SNTB2: variants seen among roughly 807,000 people sequenced by gnomAD.
The protein encoded by SNTB2 is syntrophin beta 2, also known as beta-2-syntrophin.
A neutral mutation model predicts 46.2 loss-of-function variants in SNTB2; 34 were observed. The ratio of observed to expected loss-of-function variants is 0.74; its 90% confidence interval spans 0.56 to 0.98. The LOEUF (loss-of-function observed/expected upper bound fraction) is 0.98. Among genes scored for constraint, SNTB2 ranks in the 50% least tolerant of loss-of-function variants. The probability of loss-of-function intolerance (pLI) is 0.00; values close to 1 mark genes in which losing one functional copy is unlikely to be tolerated. For missense variants in SNTB2, 603 were observed against 731.4 expected, an observed-to-expected ratio of 0.82 and a Z score of 2.02; for synonymous variants, 290 against 312.6, an observed-to-expected ratio of 0.93 and a Z score of 0.76.
chr16:69,213,854 A>C (rs1277668704), intron 1 of SNTB2, among the ~76,000 whole-genome samples: 3 of 102,648 alleles, frequency 2.9e-5, no homozygotes, highest in African/African-American at 4.0e-5. Context: ...TGAGACTCTC[A>C]CTCTGTTGCC....
At chr16:69,284,698 C>T (rs930603050) in intron 5 of SNTB2, among the ~76,000 whole-genome samples, 11 of 152,114 alleles carry the variant, frequency 7.2e-5, no homozygotes, top group East Asian at 5.8e-4. Context: ...TGCTTGAACT[C>T]GGGAGGCGGA....
At chr16:69,224,863 G>C (rs1964444559) in intron 1 of SNTB2, among the ~76,000 whole-genome samples, 1 of 152,028 alleles carries the variant, frequency 6.6e-6, no homozygotes, top group African/African-American at 2.4e-5. Context: ...TTTTCATTAA[G>C]AAAATTAATA....
intron 3 of SNTB2, 32 bp downstream of exon 3, chr16:69,260,292 G>T (rs1964823099): frequency 6.2e-7 from 1 of 1,601,010 alleles, no homozygotes; most frequent in African/African-American, 1.3e-5. Flanking sequence ...AGTATCACCT[G>T]GTTCCCATTC....
intron 2 of SNTB2, among the ~76,000 whole-genome samples, chr16:69,259,515 G>A (rs573428800): frequency 6.1e-4 from 91 of 149,670 alleles, no homozygotes; most frequent in Non-Finnish European, 9.1e-4. Context: ...GATTACCGGA[G>A]TGAGCCACCG....
rs762507161 is a variant in SNTB2, at chr16:69,245,720, G to A, written c.699G>A (p.Ser233=). The change falls in exon 2 of 7, where the codon TCG becomes TCA. Residue 233 remains serine (S), a synonymous_variant. Transcript: ENST00000336278. ...TTAGTGGCAGTGAGGACTCTGGTTC[G>A]CCAAAACACCAGAACAGCACCAAGG... The part of the protein sequence containing the change: ...PSFSGSEDSG[S]PKHQNSTKDR... The A allele has an allele frequency of 1.9e-5, 31 of 1,614,016 alleles. No homozygotes were observed. In the South Asian group the frequency reaches 2.4e-4, roughly 13 times the overall value.
intron 1 of SNTB2, among the ~76,000 whole-genome samples, chr16:69,200,000 C>A (rs1964145693): frequency 6.6e-6 from 1 of 152,066 alleles, no homozygotes; most frequent in South Asian, 2.1e-4. Flanking sequence ...CCGCAACCTC[C>A]ATCTCCCGGG....
chr16:69,197,257 T>C (rs764477822), intron 1 of SNTB2, among the ~76,000 whole-genome samples: 10 of 152,028 alleles, frequency 6.6e-5, no homozygotes, highest in African/African-American at 9.7e-5. Flanking sequence ...AGTGAGCAAG[T>C]AGTAGGAATG....
rs922086942 is a variant in SNTB2 at position 69,302,268 on chromosome 16, G to A, written c.*1344G>A. The A allele has an allele frequency of 6.6e-6, 1 of 152,100 alleles. No homozygotes were observed. Among genetic ancestry groups the A allele is most frequent in the African/African-American group, 2.4e-5 (1 of 41,410 alleles). 9.4% of individuals were successfully genotyped at this position (152,100 alleles called of 1,614,324 possible). A position where few individuals can be genotyped will look rare whatever the true frequency, so the allele number is the denominator to read the frequency against. Reference sequence around the variant, plus strand: ...TAGTGTTAGAAAATGAACTCAGCTTGTTTTTCCTAATTTTGAAGGTGGTAT... The same window carrying A: ...TAGTGTTAGAAAATGAACTCAGCTTATTTTTCCTAATTTTGAAGGTGGTAT... On this transcript the variant is annotated 3_prime_UTR_variant, in exon 7 of 7. Transcript: ENST00000336278.
chr16:69,263,555 A>G (rs183015013), intron 3 of SNTB2, among the ~76,000 whole-genome samples: 64 of 151,716 alleles, frequency 4.2e-4, no homozygotes, highest in African/African-American at 1.5e-3. Context: ...AGTAGCTGGG[A>G]TTACAGGTGT....
Position 69,302,093 on chromosome 16 carries a change from G to A in SNTB2, c.*1169G>A, listed in dbSNP as rs1965280970. On this transcript the variant is annotated 3_prime_UTR_variant, in exon 7 of 7. Coordinates refer to ENST00000336278, the MANE Select transcript of SNTB2 (RefSeq NM_006750.4). ...TGGCCCTTTGTGGCAGCAGTGGCAT[G>A]GACAAGCAACTGCTAATTCGAGACT... The A allele has an allele frequency of 6.6e-6, 1 of 152,142 alleles. No individual in the cohort carries two copies. Among genetic ancestry groups the A allele is most frequent in the Non-Finnish European group, 1.5e-5 (1 of 68,040 alleles). 9.4% of individuals were successfully genotyped at this position (152,142 alleles called of 1,614,324 possible).
chr16:69,215,091 C>T (rs949338523), intron 1 of SNTB2, among the ~76,000 whole-genome samples: 12 of 152,136 alleles, frequency 7.9e-5, no homozygotes, highest in African/African-American at 1.4e-4. Context: ...GATCCACTCA[C>T]CTCAGACGAT....
At chr16:69,192,206 C>G (rs1964061810) in intron 1 of SNTB2, among the ~76,000 whole-genome samples, 1 of 152,152 alleles carries the variant, frequency 6.6e-6, no homozygotes, top group Non-Finnish European at 1.5e-5. Flanking sequence ...AGGTGATCAC[C>G]TTTGGAGCCG....
intron 4 of SNTB2, among the ~76,000 whole-genome samples, chr16:69,281,160 A>T (rs1360861690): frequency 6.6e-6 from 1 of 150,726 alleles, no homozygotes; most frequent in Admixed American, 6.6e-5. Context: ...CAACTTACCA[A>T]TTTTTTTCTT....
intron 1 of SNTB2, among the ~76,000 whole-genome samples, chr16:69,215,676 C>T (rs1964339840): frequency 6.6e-6 from 1 of 152,076 alleles, no homozygotes; most frequent in African/African-American, 2.4e-5. Flanking sequence ...GTGACAGGTT[C>T]ATATATTTAA....
intron 1 of SNTB2, among the ~76,000 whole-genome samples, chr16:69,216,687 C>G (rs560481356): frequency 2.0e-5 from 3 of 151,850 alleles, no homozygotes; most frequent in South Asian, 4.2e-4. Context: ...GACCCTGCCC[C>G]CCCCCCAAAA....
chr16:69,209,774 C>T (rs2152291712), intron 1 of SNTB2, among the ~76,000 whole-genome samples: 1 of 152,226 alleles, frequency 6.6e-6, no homozygotes, highest in East Asian at 1.9e-4. Context: ...TGAGTTTAAA[C>T]TTATATCTAA....
At chr16:69,206,481 C>T (rs373921626) in intron 1 of SNTB2, among the ~76,000 whole-genome samples, 1 of 151,948 alleles carries the variant, frequency 6.6e-6, no homozygotes, top group African/African-American at 2.4e-5. Context: ...GTGGGTGGAT[C>T]GGGAGTTCGA....
chr16:69,255,522 T>A (rs1964764763), intron 2 of SNTB2, among the ~76,000 whole-genome samples: 1 of 149,656 alleles, frequency 6.7e-6, no homozygotes, highest in Non-Finnish European at 1.5e-5. Context: ...ATCACGACAC[T>A]GCACTCCAGC....
chr16:69,286,797 C>G (rs1431217409), intron 5 of SNTB2, among the ~76,000 whole-genome samples: 1 of 151,806 alleles, frequency 6.6e-6, no homozygotes, highest in Non-Finnish European at 1.5e-5. Context: ...TTGCTTGAGC[C>G]CATTTCAGGG....
Sources: allele counts gnomAD v4.1 joint callset (sites outside exome capture counted in the v4.1 genomes callset), GRCh38; gene constraint gnomAD v4.1.1; transcripts MANE v1.5; gene names NCBI Gene and HGNC (gene_info 2026-07-23, HGNC 2026-07-21).